PXDNL: variants seen among roughly 807,000 people sequenced by gnomAD.
PXDNL encodes peroxidasin like.
PXDNL carries 145 observed loss-of-function variants against 150.8 expected under a neutral mutation model. That is an observed-to-expected ratio of 0.96 (90% confidence interval 0.84 to 1.10). PXDNL has a LOEUF of 1.10. Among genes scored for constraint, PXDNL ranks in the 50% least tolerant of loss-of-function variants. The probability of loss-of-function intolerance (pLI) is 0.00; values close to 1 mark genes in which losing one functional copy is unlikely to be tolerated. For synonymous variants in PXDNL, 757 were observed against 725.7 expected (o/e 1.04, Z -0.69); for missense variants, 2,087 against 1,873.9 (o/e 1.11, Z -2.10).
intron 17 of PXDNL, among the ~76,000 whole-genome samples, chr8:51,404,692 T>C (rs956682287): frequency 2.6e-5 from 4 of 152,234 alleles, no homozygotes; most frequent in African/African-American, 9.6e-5. Flanking sequence ...TTGGTGTATC[T>C]ACAATCCCTT....
At chr8:51,321,102 G>A in intron 21 of PXDNL, 1 of 465,782 alleles carries the variant, frequency 2.1e-6, no homozygotes, top group East Asian at 3.3e-5. Flanking sequence ...AAACAGTTCT[G>A]TAGGTGTTAA....
chr8:51,801,335 T>C (rs556313858), intron 1 of PXDNL, among the ~76,000 whole-genome samples: 1 of 152,338 alleles, frequency 6.6e-6, no homozygotes, highest in South Asian at 2.1e-4. Context: ...TTAAGATGTT[T>C]ATCAAGACAG....
chr8:51,789,468 A>G (rs2129254528), intron 1 of PXDNL, among the ~76,000 whole-genome samples: 1 of 152,258 alleles, frequency 6.6e-6, no homozygotes, highest in Non-Finnish European at 1.5e-5. Flanking sequence ...CAGCTCTTGG[A>G]TATAGTCTTC....
At chr8:51,652,287 C>T (rs989188396) in intron 2 of PXDNL, among the ~76,000 whole-genome samples, 1 of 151,752 alleles carries the variant, frequency 6.6e-6, no homozygotes, top group African/African-American at 2.4e-5. Flanking sequence ...TAGTAAAGAC[C>T]TTTGGATCTT....
chr8:51,406,459 T>C (rs1808437315), intron 17 of PXDNL, among the ~76,000 whole-genome samples: 1 of 152,138 alleles, frequency 6.6e-6, no homozygotes, highest in Non-Finnish European at 1.5e-5. Flanking sequence ...TTCAGGTCAC[T>C]CTCTTGCTTT....
chr8:51,622,155 C>A (rs1814272024), intron 2 of PXDNL, among the ~76,000 whole-genome samples: 1 of 151,968 alleles, frequency 6.6e-6, no homozygotes, highest in Non-Finnish European at 1.5e-5. Context: ...CTGTCAGGAC[C>A]AAAGAGGGGC....
At chr8:51,746,714 ATGTTTTTGT>A (rs1196894995) in intron 1 of PXDNL, among the ~76,000 whole-genome samples, 1 of 152,082 alleles carries the variant, frequency 6.6e-6, no homozygotes, top group Non-Finnish European at 1.5e-5. Context: ...GTTGAAGAAA[ATGTTTTTGT>A]TGTTTGTTAG....
At chr8:51,425,898 A>C (rs1809087228) in intron 13 of PXDNL, among the ~76,000 whole-genome samples, 1 of 152,222 alleles carries the variant, frequency 6.6e-6, no homozygotes. Context: ...CTTCATAGAG[A>C]CTGGCATGTG....
At chr8:51,482,777 A>T (rs1305053580) in intron 6 of PXDNL, among the ~76,000 whole-genome samples, 3 of 152,088 alleles carry the variant, frequency 2.0e-5, no homozygotes, top group Non-Finnish European at 4.4e-5. Flanking sequence ...TTCTGCCATG[A>T]TTGTGAGGCC....
intron 2 of PXDNL, among the ~76,000 whole-genome samples, chr8:51,608,850 A>AG (rs1350438896): frequency 2.0e-5 from 3 of 151,210 alleles, no homozygotes; most frequent in African/African-American, 2.4e-5. Context: ...AAAAAAAAAA[A>AG]AAAAAAAAAG....
chr8:51,501,436 ACACT>A (rs1811174796), intron 4 of PXDNL, among the ~76,000 whole-genome samples: 1 of 152,044 alleles, frequency 6.6e-6, no homozygotes. Flanking sequence ...ACACATGCTC[ACACT>A]CACACACTTA....
intron 19 of PXDNL, among the ~76,000 whole-genome samples, chr8:51,353,138 G>T (rs1806403058): frequency 6.6e-6 from 1 of 150,546 alleles, no homozygotes; most frequent in Non-Finnish European, 1.5e-5. Flanking sequence ...TTATTATTAT[G>T]TTATTGTGTA....
intron 3 of PXDNL, among the ~76,000 whole-genome samples, chr8:51,565,931 T>C (rs796844554): frequency 2.0e-5 from 3 of 151,900 alleles, no homozygotes; most frequent in African/African-American, 7.2e-5. Flanking sequence ...AGCATTATAT[T>C]AGCCATAGGG....
At chr8:51,517,846 T>C (rs1811578112) in intron 4 of PXDNL, among the ~76,000 whole-genome samples, 1 of 152,232 alleles carries the variant, frequency 6.6e-6, no homozygotes, top group African/African-American at 2.4e-5. Context: ...TTTTTAGCCC[T>C]TCTAAATTAA....
At chr8:51,775,145 A>C (rs2037338926) in intron 1 of PXDNL, among the ~76,000 whole-genome samples, 1 of 152,190 alleles carries the variant, frequency 6.6e-6, no homozygotes, top group African/African-American at 2.4e-5. Flanking sequence ...TTGCTTATTA[A>C]TTACTATCTA....
chr8:51,743,310 C>G (rs558799050), intron 1 of PXDNL, among the ~76,000 whole-genome samples: 1 of 151,982 alleles, frequency 6.6e-6, no homozygotes, highest in Non-Finnish European at 1.5e-5. Context: ...CTCCGCCTCC[C>G]GGGTTCAAGC....
At chr8:51,378,445 A>G (rs999437689) in intron 17 of PXDNL, among the ~76,000 whole-genome samples, 1 of 152,208 alleles carries the variant, frequency 6.6e-6, no homozygotes, top group East Asian at 1.9e-4. Flanking sequence ...ACCAATCAGC[A>G]CCCTGTCAAA....
At chr8:51,368,896 T>C (rs1193726752) in intron 19 of PXDNL, among the ~76,000 whole-genome samples, 2 of 152,072 alleles carry the variant, frequency 1.3e-5, no homozygotes, top group Non-Finnish European at 1.5e-5. Context: ...CTCAGGAGGC[T>C]GAGGCAGGAG....
intron 1 of PXDNL, among the ~76,000 whole-genome samples, chr8:51,684,433 G>A (rs528550328): frequency 1.1e-4 from 16 of 152,212 alleles, no homozygotes; most frequent in African/African-American, 3.1e-4. Context: ...GACATTAATC[G>A]ATGTGGAAAA....
Sources: gnomAD v4.1 joint callset for allele counts (sites outside exome capture counted in the v4.1 genomes callset) on GRCh38, gnomAD v4.1.1 for gene constraint, MANE v1.5 for transcripts, NCBI Gene and HGNC (gene_info 2026-07-23, HGNC 2026-07-21) for gene names.